Variants in WARS1 observed in about 807,000 individuals in gnomAD.
WARS1 encodes the protein tryptophanyl-tRNA synthetase 1.
WARS1 carries 17 observed loss-of-function variants against 47.8 expected under a neutral mutation model. The observed-to-expected ratio is 0.36, with a 90% CI of 0.24 to 0.53. The LOEUF (loss-of-function observed/expected upper bound fraction) is 0.53, where lower values mean the gene tolerates loss of function less well. Ranked by LOEUF, WARS1 falls within the 20% of genes least tolerant of loss-of-function variation. The pLI, the probability that WARS1 is intolerant of heterozygous loss-of-function variation, is 0.91. For missense variants in WARS1, 434 were observed against 608.0 expected, an observed-to-expected ratio of 0.71 and a Z score of 3.01; for synonymous variants, 208 against 228.1, an observed-to-expected ratio of 0.91 and a Z score of 0.79.
In WARS1 at chr14:100,343,317, G is replaced by C. The variant is rs1894300801; in HGVS notation, c.897C>G (p.Asp299Glu). 6.2e-7 allele frequency: 1 copy of C among 1,613,368 alleles called. No individual in the cohort carries two copies. ...FSNSFPQIFRDRTDIQCLIPC... is the reference protein window; with the variant it reads ...FSNSFPQIFRERTDIQCLIPC... ...GGATAAGGCACTGGATATCCGTCCT[G>C]TCTCGGAAGATCTGTGGGAATGAGT... Residue 299 changes from aspartate (D) to glutamate (E), a missense_variant, in exon 8 of 11, where the codon GAC becomes GAG. By Grantham distance (45) the Asp-to-Glu change is conservative. Coordinates refer to ENST00000392882, the MANE Select transcript of WARS1 (RefSeq NM_004184.4).
intron 9 of WARS1, among the ~76,000 whole-genome samples, chr14:100,341,130 G>A (rs144550766): frequency 1.2e-3 from 179 of 152,060 alleles, no homozygotes; most frequent in African/African-American, 4.2e-3. Flanking sequence ...TGGCCACGCT[G>A]GTCTCGAACT....
intron 7 of WARS1, among the ~76,000 whole-genome samples, chr14:100,345,542 T>A (rs1049293108): frequency 1.8e-4 from 27 of 152,000 alleles, no homozygotes; most frequent in Non-Finnish European, 3.7e-4. Context: ...CGCAGGGTCC[T>A]CTGCCTAGGA....
intron 2 of WARS1, among the ~76,000 whole-genome samples, chr14:100,365,188 A>G (rs1014752738): frequency 5.9e-5 from 9 of 151,726 alleles, no homozygotes; most frequent in African/African-American, 2.2e-4. Flanking sequence ...TCAGGGTCCC[A>G]AATAGTCAAA....
chr14:100,342,449 G>C lies in WARS1; in HGVS notation c.1062C>G (p.Asp354Glu). 1 of 1,614,114 alleles carries C rather than the reference G, an allele frequency of 6.2e-7. No homozygotes were observed. Among genetic ancestry groups the C allele is most frequent in the Non-Finnish European group, 8.5e-7 (1 of 1,180,006 alleles). The change falls in exon 9 of 11, where the codon GAC (aspartate) becomes GAG (glutamate). Residue 354 changes from aspartate to glutamate, a missense_variant. This residue lies in a region of WARS1 where 347 missense variants were observed against 523.8 expected (regional missense o/e 0.66). Transcript: ENST00000392882. ...QGAQTKMSAS[D>E]PNSSIFLTDT... is the part of the protein sequence containing the mutation. ...CGGTGAGGAAGATGGAGGAGTTGGG[G>C]TCGCTGGCACTCATTTTGGTCTGGG...
intron 4 of WARS1, 95 bp from the exon 5 acceptor site, chr14:100,354,661 G>A (rs1273016512): frequency 3.7e-6 from 5 of 1,351,594 alleles, no homozygotes; most frequent in Non-Finnish European, 5.0e-6. Flanking sequence ...AGACAGAGAC[G>A]AAACAACATG....
intron 2 of WARS1, among the ~76,000 whole-genome samples, chr14:100,362,736 C>A (rs1467583117): frequency 6.6e-6 from 1 of 152,204 alleles, no homozygotes; most frequent in East Asian, 1.9e-4. Context: ...AAAGAATATA[C>A]ACAGCCCAAT....
rs1026719982 is a variant in WARS1, at chr14:100,353,650, T to C, written c.725+37A>G. On this transcript the variant is annotated intron_variant, in intron 6 of 10. Transcript: ENST00000392882. Reference sequence around the variant, plus strand: ...GTCATGACAACTTGACATCCTCCTCTACCTATTGAAAAGGCAGCCAGACGT... The same window carrying C: ...GTCATGACAACTTGACATCCTCCTCCACCTATTGAAAAGGCAGCCAGACGT... 6 of 1,607,650 alleles carry C rather than the reference T, an allele frequency of 3.7e-6. No individual in the cohort carries two copies. In the African/African-American group the frequency reaches 8.0e-5, roughly 21 times the overall value.
At chr14:100,338,828 C>T (rs545866009) in intron 9 of WARS1, among the ~76,000 whole-genome samples, 109 of 151,270 alleles carry the variant, frequency 7.2e-4, no homozygotes, top group Non-Finnish European at 1.4e-3. Context: ...CCAGAGCAGC[C>T]GGGTGCAGTG....
Position 100,361,811 on chromosome 14 carries a change from G to A in WARS1, c.210C>T (p.Thr70=), listed in dbSNP as rs767608388. The A allele has an allele frequency of 2.5e-5, 40 of 1,614,026 alleles. No homozygotes were observed. The highest frequency in any genetic ancestry group is 3.1e-5 in the Non-Finnish European group (37 of 1,180,034). Residue 70 remains threonine (T), a synonymous_variant, in exon 3 of 11, where the codon ACC becomes ACT. Transcript: ENST00000392882. ...CTGTGGCATCTGGGCCATGATTACTGGTAGGTGCTGGGTTCCCTGGAGGAC... is the reference window on the plus strand; with the variant it reads ...CTGTGGCATCTGGGCCATGATTACTAGTAGGTGCTGGGTTCCCTGGAGGAC... ...ADCPPGNPAP[T]SNHGPDATEA...
chr14:100,363,645 C>T (rs911735368), intron 2 of WARS1, among the ~76,000 whole-genome samples: 3 of 152,062 alleles, frequency 2.0e-5, no homozygotes, highest in Non-Finnish European at 4.4e-5. Flanking sequence ...TGCAGTGAGC[C>T]GAGATTGCAC....
At chr14:100,368,341 T>C (rs1896135318) in intron 2 of WARS1, 2 of 435,072 alleles carry the variant, frequency 4.6e-6, no homozygotes, top group East Asian at 7.1e-5. Flanking sequence ...TCTATTTCCA[T>C]GGTCATAATA....
At chr14:100,347,663 A>T (rs1894716115) in intron 6 of WARS1, among the ~76,000 whole-genome samples, 1 of 151,808 alleles carries the variant, frequency 6.6e-6, no homozygotes, top group Non-Finnish European at 1.5e-5. Flanking sequence ...TGCAACCTCC[A>T]TCTCTTGGGT....
intron 2 of WARS1, among the ~76,000 whole-genome samples, chr14:100,364,115 C>T (rs1011670365): frequency 2.0e-5 from 3 of 152,132 alleles, no homozygotes; most frequent in Admixed American, 2.0e-4. Context: ...TGTGAAAATT[C>T]AGTGAGGTGC....
At chr14:100,353,259 T>C (rs1247834296) in intron 6 of WARS1, 3 of 154,252 alleles carry the variant, frequency 1.9e-5, no homozygotes, top group African/African-American at 7.2e-5. Flanking sequence ...AGCATTTTTT[T>C]TTCCTTTTTG....
chr14:100,355,710 T>C (rs1254885366), intron 4 of WARS1, among the ~76,000 whole-genome samples: 3 of 152,218 alleles, frequency 2.0e-5, no homozygotes, highest in African/African-American at 4.8e-5. Context: ...CTTCTCCTTA[T>C]ATTCCCCAAG....
intron 7 of WARS1, among the ~76,000 whole-genome samples, chr14:100,344,781 TC>T: frequency 6.6e-6 from 1 of 151,304 alleles, no homozygotes; most frequent in South Asian, 2.1e-4. Flanking sequence ...CGCGACCCCA[TC>T]CGGGAGGTGA....
intron 2 of WARS1, chr14:100,368,565 G>A: frequency 2.2e-6 from 1 of 446,080 alleles, no homozygotes; most frequent in Admixed American, 2.4e-5. Context: ...AGGAAATAGG[G>A]AGAGGTGGGC....
chr14:100,356,679 A>G (rs570430012), intron 4 of WARS1, among the ~76,000 whole-genome samples: 1 of 152,202 alleles, frequency 6.6e-6, no homozygotes, highest in African/African-American at 2.4e-5. Flanking sequence ...GAAAAGCCCA[A>G]AACCCCATTT....
At chr14:100,339,330 G>A (rs569759591) in intron 9 of WARS1, among the ~76,000 whole-genome samples, 10 of 151,870 alleles carry the variant, frequency 6.6e-5, no homozygotes, top group Non-Finnish European at 1.2e-4. Flanking sequence ...AGTGGCTCAC[G>A]CCTGTAATCC....
Sources: gnomAD v4.1 joint callset for allele counts (sites outside exome capture counted in the v4.1 genomes callset) on GRCh38, gnomAD v4.1.1 for gene constraint, gnomAD v4.1.1 regional missense constraint, MANE v1.5 for transcripts, NCBI Gene and HGNC (gene_info 2026-07-23, HGNC 2026-07-21) for gene names.